The following HEATR4 variants were observed in gnomAD, a reference collection of about 807,000 sequenced individuals.
HEATR4 encodes HEAT repeat containing 4, also known as HEAT repeat-containing protein 4.
In HEATR4, 95 loss-of-function variants were observed where a neutral mutation model predicts 108.8. That is an observed-to-expected ratio of 0.87 (90% CI 0.74 to 1.04). HEATR4 has a LOEUF of 1.04. HEATR4 is among the 50% of genes least tolerant of loss of function. HEATR4 has a pLI of 0.00. For synonymous variants in HEATR4, 443 were observed against 459.4 expected (o/e 0.96, Z 0.46); for missense variants, 1,152 against 1,253.8 (o/e 0.92, Z 1.23).
At chr14:73,503,714 A>G (rs1886629388) in intron 10 of HEATR4, among the ~76,000 whole-genome samples, 1 of 152,194 alleles carries the variant, frequency 6.6e-6, no homozygotes, top group Non-Finnish European at 1.5e-5. Flanking sequence ...AATCCCCACA[A>G]CACCTTATAG....
intron 2 of HEATR4, among the ~76,000 whole-genome samples, 200 bp from the exon 3 acceptor site, chr14:73,523,424 A>G (rs1403670047): frequency 6.6e-6 from 1 of 152,228 alleles, no homozygotes; most frequent in Admixed American, 6.5e-5. Flanking sequence ...TGGTTCTTAT[A>G]CTTGTTCCCA....
chr14:73,617,138 T>C, the HEATR4 span: 1 of 1,613,882 alleles, frequency 6.2e-7, no homozygotes. Flanking sequence ...ATCTGAATGA[T>C]GTACATCTGG....
intron 2 of HEATR4, among the ~76,000 whole-genome samples, chr14:73,524,310 A>AAAAAAAAAAATAT: frequency 5.5e-5 from 3 of 54,780 alleles, no homozygotes; most frequent in African/African-American, 1.8e-4. Flanking sequence ...AAAAAAAAAA[A>AAAAAAAAAAATAT]ATATATATAT....
chr14:73,579,923 T>C, the HEATR4 span, among the ~76,000 whole-genome samples: 1 of 151,848 alleles, frequency 6.6e-6, no homozygotes, highest in Non-Finnish European at 1.5e-5. Flanking sequence ...TAAAACTCCA[T>C]CTCTACCAAA....
intron 1 of HEATR4, among the ~76,000 whole-genome samples, chr14:73,532,581 G>C (rs1888738545): frequency 8.7e-6 from 1 of 115,296 alleles, no homozygotes; most frequent in African/African-American, 2.8e-5. Context: ...CCTGAATATG[G>C]ACTTTAGCAC....
At chr14:73,573,726 T>G in the HEATR4 span, 1 of 1,080,988 alleles carries the variant, frequency 9.3e-7, no homozygotes, top group Admixed American at 2.3e-5. Flanking sequence ...AGTCACTTCT[T>G]ATAGACAGTT....
chr14:73,576,800 A>AG, the HEATR4 span, among the ~76,000 whole-genome samples: 1 of 143,484 alleles, frequency 7.0e-6, no homozygotes, highest in Non-Finnish European at 1.5e-5. Context: ...TCTCAAAAAA[A>AG]AAAAAAAAAA....
At chr14:73,619,853 G>A in the HEATR4 span, 1 of 1,551,374 alleles carries the variant, frequency 6.4e-7, no homozygotes, top group South Asian at 1.2e-5. Context: ...TGTAGCCACA[G>A]ACCAGATACC....
Position 73,492,777 on chromosome 14 carries a change from T to C in HEATR4, c.2844+289A>G. The stretch of plus-strand genomic sequence containing the variant: ...CTGGAAGAACCCAAGTGCTTGGAAA[T>C]ATACCCCCAGCAAGCTGATGCCATG... On this transcript the variant is annotated intron_variant, in intron 17 of 17. Coordinates refer to ENST00000553558, the MANE Select transcript of HEATR4 (RefSeq NM_001220484.1). The surrounding 1 kb of genome is among the most constrained non-coding windows in gnomAD (Gnocchi z 4.9). The C allele has an allele frequency of 6.2e-7, 1 of 1,613,914 alleles. No individual in the cohort carries two copies. Among genetic ancestry groups the C allele is most frequent in the Non-Finnish European group, 8.5e-7 (1 of 1,179,868 alleles).
Position 73,509,866 on chromosome 14 carries a change from A to ATTTATTTATT in HEATR4, c.1559-394_1559-393insAATAAATAAA, listed in dbSNP as rs1566832350. On this transcript the variant is annotated intron_variant, in intron 7 of 17. Coordinates refer to ENST00000553558, the MANE Select transcript of HEATR4 (RefSeq NM_001220484.1). ...TATATATATATATATATATATATAT[A>ATTTATTTATT]TATTTATTTATTTTATATATTTTTT... 2.5e-4 allele frequency among the ~76,000 whole-genome samples: 17 copies of ATTTATTTATT among 67,512 alleles called. 2 individuals are homozygous for ATTTATTTATT. The highest frequency in any genetic ancestry group is 1.0e-3 in the African/African-American group (16 of 15,960). The allele number at this position is 67,512 out of a possible 152,430, so 44.3% of individuals were successfully genotyped here. A position where few individuals can be genotyped will look rare whatever the true frequency, so the allele number is the denominator to read the frequency against.
At chr14:73,514,001 T>TGAGAACC (rs1219099104) in intron 6 of HEATR4, 30 bp downstream of exon 6, 5 of 1,604,960 alleles carry the variant, frequency 3.1e-6, no homozygotes, top group Non-Finnish European at 3.4e-6. Context: ...CTCACAAACG[T>TGAGAACC]ACAGTATCAC....
At chr14:73,563,424 A>T (rs967379151), upstream of HEATR4, among the ~76,000 whole-genome samples, 3 of 151,696 alleles carry the variant, frequency 2.0e-5, no homozygotes, top group Non-Finnish European at 2.9e-5. Flanking sequence ...GTGAAATCCC[A>T]TCTCTACTAA....
chr14:73,561,406 G>C (rs1478394199), upstream of HEATR4, among the ~76,000 whole-genome samples: 1 of 151,930 alleles, frequency 6.6e-6, no homozygotes, highest in Non-Finnish European at 1.5e-5. Context: ...GAATGAAATG[G>C]GCCAGGTGCA....
At chr14:73,568,836 G>C in the HEATR4 span, among the ~76,000 whole-genome samples, 3 of 152,076 alleles carry the variant, frequency 2.0e-5, no homozygotes, top group Admixed American at 6.6e-5. Flanking sequence ...TGGAGGATAG[G>C]CATATACAGA....
At chr14:73,583,285 G>A in the HEATR4 span, among the ~76,000 whole-genome samples, 1 of 151,098 alleles carries the variant, frequency 6.6e-6, no homozygotes, top group Non-Finnish European at 1.5e-5. Context: ...GGAGGCAGAG[G>A]TTACAGTGAG....
chr14:73,484,754 A>G (rs924839501), intron 17 of HEATR4, among the ~76,000 whole-genome samples: 1 of 151,556 alleles, frequency 6.6e-6, no homozygotes, highest in Non-Finnish European at 1.5e-5. Flanking sequence ...CCCAGAGGGA[A>G]CTTCTTTCTG....
At chr14:73,491,404 C>G in intron 17 of HEATR4, 1 of 1,346,012 alleles carries the variant, frequency 7.4e-7, no homozygotes, top group South Asian at 2.0e-5. Context: ...CCGCGCCGCC[C>G]GCGCGCCTGG....
chr14:73,614,005 C>T, the HEATR4 span, among the ~76,000 whole-genome samples: 365 of 109,890 alleles, frequency 3.3e-3, 2 homozygotes, highest in African/African-American at 0.012. Context: ...GCCTGGGCAA[C>T]ATGGTGAAAC....
chr14:73,594,731 C>T, the HEATR4 span, among the ~76,000 whole-genome samples: 4 of 151,944 alleles, frequency 2.6e-5, no homozygotes, highest in African/African-American at 4.8e-5. Flanking sequence ...GACGGAGTCT[C>T]GCTTTGTCAC....
Sources: allele counts gnomAD v4.1 joint callset (sites outside exome capture counted in the v4.1 genomes callset), GRCh38; gene constraint gnomAD v4.1.1; non-coding constraint Gnocchi (gnomAD v3.1); transcripts MANE v1.5; gene names NCBI Gene and HGNC (gene_info 2026-07-23, HGNC 2026-07-21).